Variants in NUDT3 observed in about 807,000 individuals in gnomAD.
NUDT3 encodes nudix hydrolase 3.
Under a neutral mutation model 23.6 loss-of-function variants are expected in NUDT3, and 9 were observed. The observed-to-expected ratio is 0.38, with a 90% CI of 0.23 to 0.66. The LOEUF (loss-of-function observed/expected upper bound fraction) is 0.66, where lower values mean the gene tolerates loss of function less well. Ranked by LOEUF, NUDT3 falls within the 30% of genes least tolerant of loss-of-function variation. The pLI is 0.52. For synonymous variants in NUDT3, 86 were observed against 82.6 expected, an observed-to-expected ratio of 1.04 and a Z score of -0.22; for missense variants, 172 against 218.5, an observed-to-expected ratio of 0.79 and a Z score of 1.34.
chr6:34,324,221 C>T (rs899296703), intron 2 of NUDT3, among the ~76,000 whole-genome samples: 4 of 152,092 alleles, frequency 2.6e-5, no homozygotes, highest in Non-Finnish European at 5.9e-5. Context: ...GGCATGGTGG[C>T]ACACACCTCT....
At chr6:34,299,438 C>CT (rs900268782) in intron 2 of NUDT3, among the ~76,000 whole-genome samples, 9 of 151,498 alleles carry the variant, frequency 5.9e-5, no homozygotes, top group Non-Finnish European at 1.0e-4. Flanking sequence ...TACCCTTTTT[C>CT]TTTTTTTTAA....
intron 1 of NUDT3, among the ~76,000 whole-genome samples, chr6:34,376,831 CA>C (rs916191894): frequency 1.3e-5 from 2 of 152,062 alleles, no homozygotes; most frequent in South Asian, 2.1e-4. Context: ...CTCATTATCT[CA>C]AATCAAGGCT....
chr6:34,369,916 T>C (rs1406040560), intron 1 of NUDT3, among the ~76,000 whole-genome samples: 2 of 151,744 alleles, frequency 1.3e-5, no homozygotes, highest in Non-Finnish European at 1.5e-5. Context: ...GTACATAATA[T>C]TCATAATCTT....
At chr6:34,299,675 G>A (rs957125508) in intron 2 of NUDT3, among the ~76,000 whole-genome samples, 2 of 151,100 alleles carry the variant, frequency 1.3e-5, no homozygotes, top group South Asian at 4.2e-4. Context: ...GGAGACTGAG[G>A]CAGGTGGATC....
At chr6:34,386,935 G>A (rs991119334) in intron 1 of NUDT3, among the ~76,000 whole-genome samples, 1 of 151,860 alleles carries the variant, frequency 6.6e-6, no homozygotes. Flanking sequence ...GCAACATGCC[G>A]AAACCCTATC....
At chr6:34,320,311 C>T (rs549772063) in intron 2 of NUDT3, among the ~76,000 whole-genome samples, 4 of 152,194 alleles carry the variant, frequency 2.6e-5, no homozygotes, top group South Asian at 2.1e-4. Flanking sequence ...CTGCAACCTC[C>T]GCCTCCCGGG....
chr6:34,325,665 C>T (rs990134116), intron 2 of NUDT3, among the ~76,000 whole-genome samples: 4 of 152,170 alleles, frequency 2.6e-5, no homozygotes, highest in African/African-American at 9.7e-5. Flanking sequence ...ACTACGGAGC[C>T]ACATTTCCCA....
At chr6:34,368,783 C>T (rs566754989) in intron 1 of NUDT3, among the ~76,000 whole-genome samples, 5 of 152,294 alleles carry the variant, frequency 3.3e-5, no homozygotes, top group Admixed American at 2.0e-4. Context: ...AGACTACAGG[C>T]TCCCGCCACC....
At chr6:34,384,805 G>A (rs528197251) in intron 1 of NUDT3, among the ~76,000 whole-genome samples, 52 of 152,226 alleles carry the variant, frequency 3.4e-4, no homozygotes, top group African/African-American at 1.2e-3. Context: ...GCTGAGGTGG[G>A]AGGATCGCTT....
chr6:34,361,010 G>A (rs982155431), intron 1 of NUDT3, among the ~76,000 whole-genome samples: 2 of 152,110 alleles, frequency 1.3e-5, no homozygotes, highest in African/African-American at 4.8e-5. Flanking sequence ...ACTGCGTGAG[G>A]TCAGGAGTTT....
At chr6:34,309,975 G>C (rs206939) in intron 2 of NUDT3, among the ~76,000 whole-genome samples, 1 of 152,104 alleles carries the variant, frequency 6.6e-6, no homozygotes. Context: ...GTGCATGCCT[G>C]TAATCCTAGC....
chr6:34,291,933 G>A (rs1763429263), intron 4 of NUDT3, among the ~76,000 whole-genome samples: 1 of 152,152 alleles, frequency 6.6e-6, no homozygotes, highest in South Asian at 2.1e-4. Flanking sequence ...AAGAATAATG[G>A]TAGTAAGATC....
chr6:34,300,617 A>G (rs1363820253), intron 2 of NUDT3, among the ~76,000 whole-genome samples: 1 of 152,250 alleles, frequency 6.6e-6, no homozygotes, highest in African/African-American at 2.4e-5. Flanking sequence ...TGGAGCTGCT[A>G]CCATCATCTG....
In NUDT3 at chr6:34,288,831, G is replaced by GT; in HGVS notation, c.440dup (p.Tyr147Ter). 6.2e-7 allele frequency: 1 copy of GT among 1,614,142 alleles called. No homozygotes were observed. The highest frequency in any genetic ancestry group is 8.5e-7 in the Non-Finnish European group (1 of 1,180,010). Residue 147 changes from tyrosine to a stop codon, truncating the protein, a stop_gained and frameshift_variant, in exon 5 of 5, where the codon TAC (tyrosine) becomes TAAC (stop). Transcript: ENST00000607016. LOFTEE classifies it high-confidence loss of function. ...ASYFETLRQG[Y>*]SANNGTPVVA... The stretch of plus-strand genomic sequence containing the variant: ...CGACTGGGGTGCCATTGTTGGCTGA[G>GT]TAGCCTTGCCTCAATGTTTCAAAAT...
chr6:34,326,947 A>G (rs185165735), intron 2 of NUDT3, among the ~76,000 whole-genome samples: 6 of 152,140 alleles, frequency 3.9e-5, no homozygotes, highest in Non-Finnish European at 5.9e-5. Flanking sequence ...GACGAGAGAG[A>G]GATCGTACGA....
At position 34,388,736 on chromosome 6, in the gene NUDT3, T is replaced by A. The variant is rs113653578; in HGVS notation, c.99+3528A>T. Among the ~76,000 whole-genome samples the A allele has an allele frequency of 2.5e-3, 376 of 152,320 alleles. 1 individual carries two copies. The highest frequency in any genetic ancestry group is 8.0e-3 in the African/African-American group (333 of 41,566). ...TCTCCATGACACAGCGCTGCAGCCA[T>A]AGCAGGCTCTTTAATACATGCTTTT... is the stretch of plus-strand genomic sequence containing the variant. On this transcript the variant is annotated intron_variant, in intron 1 of 4. Transcript: ENST00000607016.
At chr6:34,354,394 A>ACAC (rs1764525757) in intron 1 of NUDT3, among the ~76,000 whole-genome samples, 1 of 137,634 alleles carries the variant, frequency 7.3e-6, no homozygotes, top group African/African-American at 2.8e-5. Context: ...GATTTCATTA[A>ACAC]ACACACACAC....
intron 3 of NUDT3, among the ~76,000 whole-genome samples, chr6:34,295,047 C>T (rs1763479356): frequency 6.6e-6 from 1 of 151,952 alleles, no homozygotes; most frequent in African/African-American, 2.4e-5. Flanking sequence ...TATTTTTCTT[C>T]TCTCTCTCTA....
At chr6:34,349,497 A>G (rs866897638) in intron 1 of NUDT3, among the ~76,000 whole-genome samples, 6 of 150,722 alleles carry the variant, frequency 4.0e-5, no homozygotes, top group Middle Eastern at 3.4e-3. Context: ...GTTCAGTGAG[A>G]CATCTAATGA....
Sources: gnomAD v4.1 joint callset for allele counts (sites outside exome capture counted in the v4.1 genomes callset) on GRCh38, gnomAD v4.1.1 for gene constraint, MANE v1.5 for transcripts, NCBI Gene and HGNC (gene_info 2026-07-23, HGNC 2026-07-21) for gene names.